TLK1: variants seen among roughly 807,000 people sequenced by gnomAD.
TLK1 encodes serine/threonine-protein kinase tousled-like 1.
In TLK1, 24 loss-of-function variants were observed where a neutral mutation model predicts 105.3. That is an observed-to-expected ratio of 0.23 (90% CI 0.17 to 0.32). The LOEUF (loss-of-function observed/expected upper bound fraction) is 0.32, where lower values mean the gene tolerates loss of function less well. Among genes scored for constraint, TLK1 ranks in the 10% least tolerant of loss-of-function variants. The pLI is 1.00. For missense variants in TLK1, 558 were observed against 910.5 expected (o/e 0.61, Z 4.98); for synonymous variants, 321 against 310.4 (o/e 1.03, Z -0.36).
chr2:171,049,291 A>AAAAT (rs1681684480), intron 10 of TLK1, among the ~76,000 whole-genome samples: 1 of 152,214 alleles, frequency 6.6e-6, no homozygotes, highest in Non-Finnish European at 1.5e-5. Context: ...AGTTGAAATT[A>AAAAT]AAATAAATAA....
Position 171,071,613 on chromosome 2 carries a change from GC to G in TLK1, c.331-10458del, listed in dbSNP as rs372141126. Among the ~76,000 whole-genome samples, 626 of 151,874 alleles carry G rather than the reference GC, an allele frequency of 4.1e-3. 3 individuals are homozygous for G. The highest frequency in any genetic ancestry group is 0.014 in the African/African-American group (580 of 41,544). On this transcript the variant is annotated intron_variant, in intron 3 of 20. Transcript: ENST00000431350. Reference sequence around the variant, plus strand: ...CATTTGTCCATTTTTACCTTTGGTTGCCTGTGCTTGTCGGGTATTACTTAAG... The same window carrying G: ...CATTTGTCCATTTTTACCTTTGGTTGCTGTGCTTGTCGGGTATTACTTAAG...
At chr2:171,019,801 T>C (rs572520911) in intron 12 of TLK1, among the ~76,000 whole-genome samples, 4 of 152,320 alleles carry the variant, frequency 2.6e-5, no homozygotes, top group Admixed American at 6.5e-5. Context: ...CTCACACTTA[T>C]AATCCCAGCA....
intron 11 of TLK1, among the ~76,000 whole-genome samples, chr2:171,040,527 G>A (rs961805125): frequency 1.3e-5 from 2 of 149,962 alleles, no homozygotes; most frequent in Non-Finnish European, 3.0e-5. Flanking sequence ...AAAGAGATAA[G>A]TAGTCTACTA....
intron 11 of TLK1, among the ~76,000 whole-genome samples, chr2:171,036,628 T>C (rs1056024907): frequency 6.6e-6 from 1 of 152,224 alleles, no homozygotes; most frequent in African/African-American, 2.4e-5. Context: ...GTCTCTAAAC[T>C]GTCATCAGAT....
At chr2:171,184,638 G>A (rs1266892656) in intron 1 of TLK1, among the ~76,000 whole-genome samples, 10 of 126,586 alleles carry the variant, frequency 7.9e-5, no homozygotes, top group African/African-American at 2.9e-4. Flanking sequence ...GCAAAACTCC[G>A]TCTCAAAAAA....
chr2:171,011,545 G>A, intron 13 of TLK1, 91 bp from the exon 14 acceptor site: 2 of 1,022,342 alleles, frequency 2.0e-6, no homozygotes, highest in Non-Finnish European at 2.8e-6. Flanking sequence ...TCTATTCCTA[G>A]CTATTTATTT....
intron 1 of TLK1, among the ~76,000 whole-genome samples, chr2:171,183,649 G>C (rs933210557): frequency 7.9e-5 from 12 of 152,012 alleles, no homozygotes; most frequent in Admixed American, 7.9e-4. Flanking sequence ...GTCTTTCATT[G>C]TATGGATGCT....
At chr2:171,023,597 T>C (rs769681022) in intron 12 of TLK1, among the ~76,000 whole-genome samples, 5 of 152,200 alleles carry the variant, frequency 3.3e-5, no homozygotes, top group Non-Finnish European at 5.9e-5. Context: ...CATACCCACA[T>C]GCTGTTCATA....
At chr2:171,158,349 G>A (rs961103642) in intron 1 of TLK1, among the ~76,000 whole-genome samples, 7 of 152,056 alleles carry the variant, frequency 4.6e-5, no homozygotes, top group African/African-American at 1.7e-4. Flanking sequence ...AATCTAAACT[G>A]CCGGAAAAAA....
intron 1 of TLK1, among the ~76,000 whole-genome samples, chr2:171,206,628 T>TA (rs1389842837): frequency 3.3e-5 from 5 of 151,998 alleles, no homozygotes; most frequent in Non-Finnish European, 5.9e-5. Flanking sequence ...ACCAAGCAAA[T>TA]AAAAAGAATG....
intron 2 of TLK1, among the ~76,000 whole-genome samples, chr2:171,108,625 A>T (rs973512527): frequency 2.6e-5 from 4 of 151,858 alleles, no homozygotes; most frequent in Admixed American, 2.6e-4. Flanking sequence ...TTTAAATGAG[A>T]CAGGGTCTCA....
At chr2:171,088,859 CAAAG>C (rs1268204772) in intron 2 of TLK1, among the ~76,000 whole-genome samples, 1 of 152,138 alleles carries the variant, frequency 6.6e-6, no homozygotes, top group Non-Finnish European at 1.5e-5. Flanking sequence ...CCACCAAAAA[CAAAG>C]AAATAAAGCA....
intron 12 of TLK1, among the ~76,000 whole-genome samples, chr2:171,018,157 C>T (rs1685297822): frequency 6.6e-6 from 1 of 152,048 alleles, no homozygotes; most frequent in Admixed American, 6.5e-5. Context: ...GGATTAGTGG[C>T]CTTATGAGAA....
intron 18 of TLK1, among the ~76,000 whole-genome samples, chr2:171,003,543 G>A (rs560021847): frequency 6.6e-6 from 1 of 152,168 alleles, no homozygotes; most frequent in African/African-American, 2.4e-5. Flanking sequence ...TGACAATATT[G>A]CACTAAACAT....
At chr2:171,111,697 A>G (rs1326968361) in intron 2 of TLK1, among the ~76,000 whole-genome samples, 1 of 152,198 alleles carries the variant, frequency 6.6e-6, no homozygotes, top group Non-Finnish European at 1.5e-5. Context: ...AGGATGCTGA[A>G]AAAACTAAAA....
chr2:171,117,296 T>C (rs559214001), intron 2 of TLK1, among the ~76,000 whole-genome samples: 5 of 152,166 alleles, frequency 3.3e-5, no homozygotes, highest in Non-Finnish European at 4.4e-5. Flanking sequence ...CAGGCAGTAA[T>C]GCTCACTCTC....
chr2:171,053,349 T>C (rs540963447), intron 8 of TLK1, among the ~76,000 whole-genome samples: 144 of 152,234 alleles, frequency 9.5e-4, no homozygotes, highest in African/African-American at 3.2e-3. Context: ...AAAAAGCTTA[T>C]TGAGTTCTAG....
At chr2:171,220,761 T>C (rs766663943) in intron 1 of TLK1, among the ~76,000 whole-genome samples, 2 of 151,988 alleles carry the variant, frequency 1.3e-5, no homozygotes, top group Non-Finnish European at 2.9e-5. Context: ...TGATTTGTAA[T>C]ACAGGTAGTG....
chr2:171,154,390 G>GA (rs2105602686), intron 1 of TLK1: 1 of 151,724 alleles, frequency 6.6e-6, no homozygotes, highest in East Asian at 1.9e-4. Flanking sequence ...TTTTACAGAT[G>GA]AAAAGAGGCT....
Sources: allele counts gnomAD v4.1 joint callset (sites outside exome capture counted in the v4.1 genomes callset), GRCh38; gene constraint gnomAD v4.1.1; transcripts MANE v1.5; gene names NCBI Gene and HGNC (gene_info 2026-07-23, HGNC 2026-07-21).